The following NR6A1 variants were observed in gnomAD, a reference collection of about 807,000 sequenced individuals.
NR6A1 encodes nuclear receptor subfamily 6 group A member 1, also known as retinoic acid receptor-related testis-associated receptor.
In NR6A1, 7 loss-of-function variants were observed where a neutral mutation model predicts 59.1. The ratio of observed to expected loss-of-function variants is 0.12; its 90% confidence interval spans 0.07 to 0.22. NR6A1 has a LOEUF of 0.22. Among genes scored for constraint, NR6A1 ranks in the 10% least tolerant of loss-of-function variants. The pLI is 1.00. For missense variants in NR6A1, 468 were observed against 611.6 expected (o/e 0.77, Z 2.48); for synonymous variants, 243 against 236.1 (o/e 1.03, Z -0.27).
chr9:124,754,724 C>A (rs907087686), intron 1 of NR6A1, among the ~76,000 whole-genome samples: 7 of 152,182 alleles, frequency 4.6e-5, no homozygotes, highest in Non-Finnish European at 1.5e-5. Context: ...ATCTGGGAAA[C>A]TGGTTTTCAA....
At chr9:124,647,691 C>T (rs1337927224) in intron 2 of NR6A1, among the ~76,000 whole-genome samples, 1 of 142,164 alleles carries the variant, frequency 7.0e-6, no homozygotes, top group African/African-American at 2.7e-5. Flanking sequence ...CATGCCACTA[C>T]ACTCCAGCCT....
chr9:124,717,967 T>G (rs995621988), intron 2 of NR6A1, among the ~76,000 whole-genome samples: 1 of 152,266 alleles, frequency 6.6e-6, no homozygotes, highest in Non-Finnish European at 1.5e-5. Flanking sequence ...AAACCTTTTG[T>G]CTTGTATTTC....
At chr9:124,682,799 ATTCT>A (rs1392443693) in intron 2 of NR6A1, among the ~76,000 whole-genome samples, 4 of 152,200 alleles carry the variant, frequency 2.6e-5, no homozygotes, top group Non-Finnish European at 5.9e-5. Context: ...ATGGACAATA[ATTCT>A]TTCTTTGTTT....
At chr9:124,728,669 T>TAAATAA (rs1400030604) in intron 2 of NR6A1, among the ~76,000 whole-genome samples, 1 of 151,736 alleles carries the variant, frequency 6.6e-6, no homozygotes, top group African/African-American at 2.4e-5. Flanking sequence ...AATAAATAAA[T>TAAATAA]AAAGTACTTG....
intron 2 of NR6A1, among the ~76,000 whole-genome samples, chr9:124,631,188 C>T (rs1438059982): frequency 6.6e-6 from 1 of 152,030 alleles, no homozygotes; most frequent in Non-Finnish European, 1.5e-5. Context: ...TGCTGTACCT[C>T]CCATGACCAG....
At chr9:124,589,204 T>TG (rs1430847648) in intron 2 of NR6A1, among the ~76,000 whole-genome samples, 2 of 152,156 alleles carry the variant, frequency 1.3e-5, no homozygotes, top group Non-Finnish European at 2.9e-5. Context: ...CCCAGCACTT[T>TG]GGGTGGCTGA....
intron 1 of NR6A1, among the ~76,000 whole-genome samples, chr9:124,751,751 T>C (rs898785478): frequency 2.0e-5 from 3 of 152,174 alleles, no homozygotes; most frequent in Non-Finnish European, 4.4e-5. Flanking sequence ...ATAGACAAAG[T>C]ACAATAAATT....
Position 124,536,137 on chromosome 9 carries a change from G to A in NR6A1, c.825-5C>T. 3 of 1,610,802 alleles carry A rather than the reference G, an allele frequency of 1.9e-6. 1 individual carries two copies. The highest frequency in any genetic ancestry group is 2.2e-5 in the East Asian group (1 of 44,810). On this transcript the variant is annotated splice_polypyrimidine_tract_variant and splice_region_variant and intron_variant, in intron 6 of 9. Transcript: ENST00000487099. ...TCTGCCTGTGTCACAGCGTATCTGA[G>A]GGGCAGGGACAGGGGAAAGTCACTT...
At chr9:124,718,346 T>TGGAA (rs1839462862) in intron 2 of NR6A1, among the ~76,000 whole-genome samples, 1 of 152,238 alleles carries the variant, frequency 6.6e-6, no homozygotes, top group African/African-American at 2.4e-5. Context: ...TACTAGTGAA[T>TGGAA]GGAAGCAGGG....
intron 1 of NR6A1, among the ~76,000 whole-genome samples, chr9:124,767,201 C>A (rs1840957883): frequency 6.6e-6 from 1 of 152,136 alleles, no homozygotes; most frequent in African/African-American, 2.4e-5. Context: ...ATGATTTGGA[C>A]ATATTTTTGG....
At chr9:124,712,198 G>A (rs1050250455) in intron 2 of NR6A1, among the ~76,000 whole-genome samples, 5 of 152,130 alleles carry the variant, frequency 3.3e-5, no homozygotes, top group Admixed American at 2.0e-4. Flanking sequence ...AGGAGAGAGC[G>A]CTTATGCCCA....
chr9:124,665,323 C>T (rs191127018), intron 2 of NR6A1, among the ~76,000 whole-genome samples: 2 of 152,114 alleles, frequency 1.3e-5, no homozygotes, highest in East Asian at 1.9e-4. Context: ...TGGAAAAATA[C>T]GCTCAGCTCC....
At chr9:124,576,919 G>T (rs1196386162) in intron 2 of NR6A1, among the ~76,000 whole-genome samples, 1 of 152,074 alleles carries the variant, frequency 6.6e-6, no homozygotes, top group East Asian at 1.9e-4. Flanking sequence ...AGCTAGCCGT[G>T]GTGGTGTATG....
At chr9:124,745,606 G>C (rs148247001) in intron 1 of NR6A1, among the ~76,000 whole-genome samples, 3,579 of 151,328 alleles carry the variant, frequency 0.024, 113 homozygotes, top group East Asian at 0.096. Flanking sequence ...GGGAGGCAGA[G>C]GTTGCAGTGA....
In NR6A1 at chr9:124,520,955, C is replaced by G. The variant is rs1220949101; in HGVS notation, c.*1750G>C. 6.6e-6 allele frequency: 1 copy of G among 152,232 alleles called. No homozygotes were observed. Among genetic ancestry groups the G allele is most frequent in the Non-Finnish European group, 1.5e-5 (1 of 68,042 alleles). 9.4% of individuals were successfully genotyped at this position (152,232 alleles called of 1,614,324 possible). On this transcript the variant is annotated 3_prime_UTR_variant, in exon 10 of 10. Transcript: ENST00000487099. ...ATCATCACTCTGCTGGTACCCGTAA[C>G]ATTTCACCAGAAAGAAACAATTACA...
At position 124,548,538 on chromosome 9, in the gene NR6A1, T is replaced by TA. The variant is rs201239800; in HGVS notation, c.386-4682dup. On this transcript the variant is annotated intron_variant, in intron 3 of 9. Coordinates refer to ENST00000487099, the MANE Select transcript of NR6A1 (RefSeq NM_033334.4). ...GTTCATAAGGAAAATGTAAGAAATG[T>TA]AAAAAAAATGTTTGTAAGGAACACG... 8.5e-3 allele frequency among the ~76,000 whole-genome samples: 1,294 copies of TA among 152,132 alleles called. 18 individuals carry two copies. Among genetic ancestry groups the TA allele is most frequent in the African/African-American group, 0.03 (1,231 of 41,506 alleles).
At chr9:124,641,574 C>T (rs1017249332) in intron 2 of NR6A1, among the ~76,000 whole-genome samples, 3 of 152,216 alleles carry the variant, frequency 2.0e-5, no homozygotes, top group Non-Finnish European at 4.4e-5. Flanking sequence ...GTGTTGCATG[C>T]CTGTAGTCCC....
intron 2 of NR6A1, among the ~76,000 whole-genome samples, chr9:124,727,767 C>T (rs1052174573): frequency 1.2e-4 from 19 of 152,048 alleles, no homozygotes; most frequent in Admixed American, 1.0e-3. Flanking sequence ...TCACTGCAAC[C>T]TCTGCCTCCC....
intron 2 of NR6A1, among the ~76,000 whole-genome samples, chr9:124,670,227 A>AT (rs1421309204): frequency 1.3e-5 from 2 of 151,712 alleles, no homozygotes; most frequent in East Asian, 3.9e-4. Flanking sequence ...AAAAAAAAAA[A>AT]AAAAAAATCA....
Sources: gnomAD v4.1 joint callset for allele counts (sites outside exome capture counted in the v4.1 genomes callset) on GRCh38, gnomAD v4.1.1 for gene constraint, MANE v1.5 for transcripts, NCBI Gene and HGNC (gene_info 2026-07-23, HGNC 2026-07-21) for gene names.